Variants in SLC14A1 observed in about 807,000 individuals in gnomAD.
The protein encoded by SLC14A1 is solute carrier family 14 member 1 (Kidd blood group).
SLC14A1 carries 36 observed loss-of-function variants against 39.6 expected under a neutral mutation model. The observed-to-expected ratio is 0.91, with a 90% CI of 0.70 to 1.20. SLC14A1 has a LOEUF of 1.20. SLC14A1 is among the 50% of genes most tolerant of loss of function. The pLI is 0.00. For missense variants in SLC14A1, 469 were observed against 478.7 expected, an observed-to-expected ratio of 0.98 and a Z score of 0.19; for synonymous variants, 164 against 173.6, an observed-to-expected ratio of 0.94 and a Z score of 0.43.
chr18:45,738,114 G>T (rs1413422252), intron 6 of SLC14A1, among the ~76,000 whole-genome samples: 12 of 152,226 alleles, frequency 7.9e-5, no homozygotes, highest in Non-Finnish European at 1.8e-4. Context: ...TTAGGGTAGA[G>T]TCAAACTCAC....
intron 8 of SLC14A1, among the ~76,000 whole-genome samples, chr18:45,740,097 T>C (rs2047321199): frequency 6.6e-6 from 1 of 152,236 alleles, no homozygotes; most frequent in South Asian, 2.1e-4. Context: ...TGGCACTCAC[T>C]GCTCCTGGCT....
chr18:45,740,686 G>A (rs1432688062), intron 8 of SLC14A1, among the ~76,000 whole-genome samples: 3 of 151,952 alleles, frequency 2.0e-5, no homozygotes, highest in Non-Finnish European at 2.9e-5. Flanking sequence ...GACCACAGGC[G>A]TGCCACCATG....
rs147567062 is a variant in SLC14A1 at position 45,747,992 on chromosome 18, C to G, written c.947-384C>G. On this transcript the variant is annotated intron_variant, in intron 8 of 9. Transcript: ENST00000321925. ...ATTCAGCTATGCTTGGATAAAACATCAGAGAAATTTATTTGCCATGGAAGG... is the reference window on the plus strand; with the variant it reads ...ATTCAGCTATGCTTGGATAAAACATGAGAGAAATTTATTTGCCATGGAAGG... Among the ~76,000 whole-genome samples the G allele has an allele frequency of 1.7e-4, 26 of 152,296 alleles. No individual in the cohort carries two copies. In the East Asian group the frequency reaches 5.0e-3, roughly 29 times the overall value.
intron 2 of SLC14A1, chr18:45,727,218 G>A: frequency 3.9e-6 from 6 of 1,539,600 alleles, no homozygotes; most frequent in East Asian, 2.5e-5. Flanking sequence ...TAGGGCACAC[G>A]TCATGCTGAT....
Position 45,739,308 on chromosome 18 carries a change from C to A in SLC14A1, c.809C>A (p.Ala270Glu), listed in dbSNP as rs777313922. The A allele has an allele frequency of 5.6e-6, 9 of 1,614,116 alleles. No homozygotes were observed. Among genetic ancestry groups the A allele is most frequent in the Non-Finnish European group, 7.6e-6 (9 of 1,180,002 alleles). ...ATAGGATCATTGCTGGGCATAGCAG[C>A]GGGTGAGCACAAGAGCCCTTACCAA... The part of the protein sequence containing the change: ...AAIGSLLGIA[A>E]GLSLSAPFED... Residue 270 changes from alanine (A) to glutamate (E), a missense_variant and splice_region_variant, in exon 7 of 10, where the codon GCG becomes GAG. Ala to Glu is a moderately radical substitution (Grantham distance 107, BLOSUM62 -1). Transcript: ENST00000321925.
chr18:45,748,552 C>G lies in SLC14A1; in HGVS notation c.996+127C>G, dbSNP rs2047618766. On this transcript the variant is annotated intron_variant, in intron 9 of 9. Transcript: ENST00000321925. ...ATCCATGACCATGAGAAGCACTGCTCTCCCTTCTCCTGGAGCTCCCTGGCC... is the reference window on the plus strand; with the variant it reads ...ATCCATGACCATGAGAAGCACTGCTGTCCCTTCTCCTGGAGCTCCCTGGCC... 4.3e-6 allele frequency: 4 copies of G among 932,302 alleles called. No homozygotes were observed. The African/African-American group carries it at 6.5e-5, about 15-fold the overall frequency. The allele number at this position is 932,302 out of a possible 1,614,324, so 57.8% of individuals were successfully genotyped here. A position where few individuals can be genotyped will look rare whatever the true frequency, so the allele number is the denominator to read the frequency against.
rs28994287 is a variant in SLC14A1, at chr18:45,731,166, G to A, written c.303G>A (p.Val101=). The part of the protein sequence containing the change: ...WWALTGWLGT[V]VSTLMALLLS... ...CTCTCACTGGCTGGCTGGGAACAGT[G>A]GTCTCCACTCTGATGGCCCTCTTGC... Residue 101 remains valine, a synonymous_variant, in exon 4 of 10, where the codon GTG becomes GTA. Transcript: ENST00000321925. The A allele has an allele frequency of 5.0e-3, 7,995 of 1,614,000 alleles. 234 individuals are homozygous for A. In the African/African-American group the frequency reaches 0.072, roughly 15 times the overall value.
intron 2 of SLC14A1, among the ~76,000 whole-genome samples, chr18:45,726,289 A>G (rs535216983): frequency 6.6e-6 from 1 of 152,340 alleles, no homozygotes; most frequent in South Asian, 2.1e-4. Flanking sequence ...TTCAGGTTTT[A>G]GGCCAAGCCA....
rs754455446 is a variant in SLC14A1 at position 45,751,604 on chromosome 18, T to G, written c.*1653T>G. The G allele has an allele frequency of 4.2e-6, 3 of 708,270 alleles. No individual in the cohort carries two copies. Among genetic ancestry groups the G allele is most frequent in the Non-Finnish European group, 5.2e-6 (3 of 578,010 alleles). 43.9% of individuals were successfully genotyped at this position (708,270 alleles called of 1,614,324 possible). On this transcript the variant is annotated 3_prime_UTR_variant, in exon 10 of 10. Coordinates refer to ENST00000321925, the MANE Select transcript of SLC14A1 (RefSeq NM_015865.7). Reference sequence around the variant, plus strand: ...ACCAGCTTGGGCAACATAGCAAGACTCCATCTCTTAAAAAATAAAAATAGT... The same window carrying G: ...ACCAGCTTGGGCAACATAGCAAGACGCCATCTCTTAAAAAATAAAAATAGT...
At chr18:45,732,169 G>A (rs2047049219) in intron 4 of SLC14A1, among the ~76,000 whole-genome samples, 1 of 152,122 alleles carries the variant, frequency 6.6e-6, no homozygotes, top group Non-Finnish European at 1.5e-5. Flanking sequence ...CTCATTTTTT[G>A]TCAGATATTA....
chr18:45,736,308 T>C (rs2047191985), intron 5 of SLC14A1, 148 bp from the exon 6 acceptor site: 2 of 726,998 alleles, frequency 2.8e-6, no homozygotes, highest in Non-Finnish European at 4.9e-6. Context: ...ATAGGATTTA[T>C]CCCAAGTTTT....
At chr18:45,740,022 G>A (rs921392515) in intron 8 of SLC14A1, among the ~76,000 whole-genome samples, 39 of 152,206 alleles carry the variant, frequency 2.6e-4, no homozygotes, top group African/African-American at 9.4e-4. Flanking sequence ...AGCTCCCCCT[G>A]TGCTCACGGG....
rs184509883 is a variant in SLC14A1 at position 45,744,880 on chromosome 18, C to T, written c.947-3496C>T. On this transcript the variant is annotated intron_variant, in intron 8 of 9. Transcript: ENST00000321925. ...GGCCCTTCAGTTCAGCTGATTGGCC[C>T]GATCATTCTTTGGCTCTGTCCATTG... Among the ~76,000 whole-genome samples the T allele has an allele frequency of 5.3e-4, 80 of 152,246 alleles. 1 individual carries two copies. Among genetic ancestry groups the T allele is most frequent in the Admixed American group, 2.0e-3 (30 of 15,290 alleles).
chr18:45,745,931 C>A (rs1159756390), intron 8 of SLC14A1, among the ~76,000 whole-genome samples: 2 of 152,180 alleles, frequency 1.3e-5, no homozygotes, highest in Non-Finnish European at 2.9e-5. Context: ...AACAAAAGAC[C>A]AACCCTCTTA....
chr18:45,749,796 A>G lies in SLC14A1; in HGVS notation c.1015A>G (p.Thr339Ala). ...FMAEVGLPAC[T>A]WPFCLATLLF... ...TCCCCAGGTTGGATTGCCAGCTTGT[A>G]CCTGGCCCTTCTGTTTGGCCACGCT... Residue 339 changes from threonine to alanine, a missense_variant, in exon 10 of 10, where the codon ACC becomes GCC. Coordinates refer to ENST00000321925, the MANE Select transcript of SLC14A1 (RefSeq NM_015865.7). The G allele has an allele frequency of 6.2e-7, 1 of 1,614,150 alleles. No individual in the cohort carries two copies. Among genetic ancestry groups the G allele is most frequent in the African/African-American group, 1.3e-5 (1 of 75,026 alleles).
At position 45,752,364 on chromosome 18, in the gene SLC14A1, T is replaced by A. The variant is rs2047733803; in HGVS notation, c.*2413T>A. The A allele has an allele frequency of 2.9e-6, 1 of 339,260 alleles. No homozygotes were observed. Among genetic ancestry groups the A allele is most frequent in the Non-Finnish European group, 4.2e-6 (1 of 239,422 alleles). The allele number at this position is 339,260 out of a possible 1,614,324, so 21.0% of individuals were successfully genotyped here. On this transcript the variant is annotated 3_prime_UTR_variant, in exon 10 of 10. Coordinates refer to ENST00000321925, the MANE Select transcript of SLC14A1 (RefSeq NM_015865.7). ...CACACAAATCTGTAAATGGGAACAT[T>A]GTACATTGTCGAATTTAAATGATAT...
In SLC14A1 at chr18:45,740,622, A is replaced by G. The variant is rs980397802; in HGVS notation, c.946+960A>G. On this transcript the variant is annotated intron_variant, in intron 8 of 9. Coordinates refer to ENST00000321925, the MANE Select transcript of SLC14A1 (RefSeq NM_015865.7). ...GTGAACACAGCTCACTGCAGCCTCA[A>G]CCTCCTGGGCTCAAGCAATCCTGCA... Among the ~76,000 whole-genome samples the G allele has an allele frequency of 4.0e-5, 6 of 151,502 alleles. No individual in the cohort carries two copies. The East Asian group carries it at 9.7e-4, about 24-fold the overall frequency.
At position 45,750,715 on chromosome 18, in the gene SLC14A1, G is replaced by C. The variant is rs181726247; in HGVS notation, c.*764G>C. 1.5e-5 allele frequency: 15 copies of C among 984,746 alleles called. No individual in the cohort carries two copies. Among genetic ancestry groups the C allele is most frequent in the African/African-American group, 1.7e-5 (1 of 57,322 alleles). 61.0% of individuals were successfully genotyped at this position (984,746 alleles called of 1,614,324 possible). ...ATCTGTTTTAAATGAGATAAAATAG[G>C]AGAAGTTCCTGGCTTAACCTGTTCT... On this transcript the variant is annotated 3_prime_UTR_variant, in exon 10 of 10. Transcript: ENST00000321925.
intron 4 of SLC14A1, among the ~76,000 whole-genome samples, chr18:45,732,962 G>A (rs2047077681): frequency 6.6e-6 from 1 of 152,208 alleles, no homozygotes; most frequent in African/African-American, 2.4e-5. Context: ...CAGCATGGAT[G>A]TATCTGGAGA....
Sources: allele counts gnomAD v4.1 joint callset (sites outside exome capture counted in the v4.1 genomes callset), GRCh38; gene constraint gnomAD v4.1.1; transcripts MANE v1.5; gene names NCBI Gene and HGNC (gene_info 2026-07-23, HGNC 2026-07-21).